DLGAP1: variants seen among roughly 807,000 people sequenced by gnomAD.
DLGAP1 encodes disks large-associated protein 1.
In DLGAP1, 11 loss-of-function variants were observed where a neutral mutation model predicts 90.8. That is an observed-to-expected ratio of 0.12 (90% CI 0.08 to 0.20). The LOEUF is 0.20. Among genes scored for constraint, DLGAP1 ranks in the 10% least tolerant of loss-of-function variants. The pLI is 1.00. For missense variants in DLGAP1, 1,050 were observed against 1,333.8 expected, an observed-to-expected ratio of 0.79 and a Z score of 3.31; for synonymous variants, 558 against 540.7, an observed-to-expected ratio of 1.03 and a Z score of -0.44.
intron 1 of DLGAP1, among the ~76,000 whole-genome samples, chr18:4,267,946 A>T (rs947972644): frequency 2.0e-5 from 3 of 152,234 alleles, no homozygotes; most frequent in Non-Finnish European, 4.4e-5. Flanking sequence ...TGGAAGGGAC[A>T]TACTATCACT....
intron 5 of DLGAP1, among the ~76,000 whole-genome samples, chr18:3,756,152 C>T (rs1287276160): frequency 6.6e-6 from 1 of 152,080 alleles, no homozygotes; most frequent in Non-Finnish European, 1.5e-5. Context: ...CGGGTTCACG[C>T]CATTCTCCTG....
intron 1 of DLGAP1, among the ~76,000 whole-genome samples, chr18:4,372,875 C>A (rs1266291633): frequency 2.6e-5 from 4 of 151,846 alleles, no homozygotes; most frequent in Non-Finnish European, 5.9e-5. Flanking sequence ...TTGCCGTGAG[C>A]CGAGATCAAG....
chr18:3,579,902 C>A (rs1301396613), intron 8 of DLGAP1, among the ~76,000 whole-genome samples: 1 of 152,196 alleles, frequency 6.6e-6, no homozygotes, highest in African/African-American at 2.4e-5. Flanking sequence ...CTCGCCTTCA[C>A]TCCCACATCT....
intron 1 of DLGAP1, among the ~76,000 whole-genome samples, chr18:4,260,958 C>T (rs1050031718): frequency 9.2e-5 from 14 of 152,150 alleles, no homozygotes; most frequent in African/African-American, 2.2e-4. Flanking sequence ...AAATCAACAG[C>T]ATAACACAGC....
At chr18:3,704,504 A>G (rs906592045) in intron 7 of DLGAP1, among the ~76,000 whole-genome samples, 14 of 151,994 alleles carry the variant, frequency 9.2e-5, no homozygotes, top group Non-Finnish European at 1.9e-4. Context: ...CGGGAGGCAG[A>G]GGTTGCAGTG....
rs112219338 is a variant in DLGAP1, at chr18:3,641,588, C to T, written c.1592-59340G>A. Among the ~76,000 whole-genome samples, 1,253 of 135,468 alleles carry T rather than the reference C, an allele frequency of 9.2e-3. 7 individuals carry two copies. Among genetic ancestry groups the T allele is most frequent in the African/African-American group, 0.029 (1,013 of 35,104 alleles). The allele number at this position is 135,468 out of a possible 152,430, so 88.9% of individuals were successfully genotyped here. ...AAGACAATGTACACATATATATATA[C>T]ACACACACACACACACACACACACA... is the stretch of plus-strand genomic sequence containing the variant. On this transcript the variant is annotated intron_variant, in intron 7 of 12. Coordinates refer to ENST00000315677, the MANE Select transcript of DLGAP1 (RefSeq NM_004746.4).
rs1016479682 is a variant in DLGAP1, at chr18:4,033,973, G to A, written c.-158-28772C>T. 8.0e-5 allele frequency among the ~76,000 whole-genome samples: 12 copies of A among 150,540 alleles called. No individual in the cohort carries two copies. In the South Asian group the frequency reaches 8.4e-4, roughly 11 times the overall value. ...AGGATGGTCTCCATCTCCGGACCTC[G>A]TGATCTGCCCGCCTCCGCCTCCCAA... On this transcript the variant is annotated intron_variant, in intron 2 of 12. Coordinates refer to ENST00000315677, the MANE Select transcript of DLGAP1 (RefSeq NM_004746.4).
chr18:3,874,542 A>G lies in DLGAP1; in HGVS notation c.957+4570T>C, dbSNP rs78368056. On this transcript the variant is annotated intron_variant, in intron 4 of 12. Coordinates refer to ENST00000315677, the MANE Select transcript of DLGAP1 (RefSeq NM_004746.4). ...GCTTTTTAAAAGCAAAAACAAAACA[A>G]CAACAAAAACCACCTTTTATTCTAT... 2,623 of 1,465,344 alleles carry G rather than the reference A, an allele frequency of 1.8e-3. 63 individuals are homozygous for G. In the Admixed American group the frequency reaches 0.04, roughly 22 times the overall value. The allele number at this position is 1,465,344 out of a possible 1,614,324, so 90.8% of individuals were successfully genotyped here. A position where few individuals can be genotyped will look rare whatever the true frequency, so the allele number is the denominator to read the frequency against.
At chr18:3,745,327 A>C (rs919392018) in intron 5 of DLGAP1, among the ~76,000 whole-genome samples, 1 of 152,240 alleles carries the variant, frequency 6.6e-6, no homozygotes, top group African/African-American at 2.4e-5. Context: ...TACACTTGAA[A>C]ATGGTGAATT....
chr18:3,935,627 C>T (rs1232465043), intron 3 of DLGAP1, among the ~76,000 whole-genome samples: 2 of 152,140 alleles, frequency 1.3e-5, no homozygotes, highest in Admixed American at 6.6e-5. Context: ...CTCTTCCTCC[C>T]TTGCAAAGTG....
chr18:3,949,035 T>C (rs532167682), intron 3 of DLGAP1, among the ~76,000 whole-genome samples: 35 of 152,200 alleles, frequency 2.3e-4, no homozygotes, highest in Middle Eastern at 3.4e-3. Flanking sequence ...ATGTTTCCCA[T>C]AAAAAAGGCT....
chr18:3,867,042 C>T (rs139886671), intron 4 of DLGAP1, among the ~76,000 whole-genome samples: 11 of 152,156 alleles, frequency 7.2e-5, no homozygotes, highest in East Asian at 1.9e-4. Context: ...TTAGTAGAGA[C>T]GGGGTTTCAC....
At chr18:3,865,659 A>C (rs1351184591) in intron 4 of DLGAP1, among the ~76,000 whole-genome samples, 1 of 152,228 alleles carries the variant, frequency 6.6e-6, no homozygotes, top group African/African-American at 2.4e-5. Context: ...GTGGAAAGCA[A>C]ACAGATTGTG....
intron 7 of DLGAP1, among the ~76,000 whole-genome samples, chr18:3,712,167 T>C (rs529721659): frequency 6.6e-6 from 1 of 152,292 alleles, no homozygotes; most frequent in South Asian, 2.1e-4. Context: ...ACTTTTTGCC[T>C]TCTCAATTCT....
At chr18:4,170,573 G>A (rs1213862599) in intron 1 of DLGAP1, among the ~76,000 whole-genome samples, 1 of 152,040 alleles carries the variant, frequency 6.6e-6, no homozygotes, top group Non-Finnish European at 1.5e-5. Context: ...CTGGATATGA[G>A]ATATAAGAGA....
chr18:3,819,837 A>G (rs537728106), intron 4 of DLGAP1, among the ~76,000 whole-genome samples: 1 of 152,362 alleles, frequency 6.6e-6, no homozygotes, highest in East Asian at 1.9e-4. Flanking sequence ...TAAACTACAA[A>G]GCACATATTT....
chr18:4,088,436 T>C (rs969674306), intron 2 of DLGAP1, among the ~76,000 whole-genome samples: 18 of 152,140 alleles, frequency 1.2e-4, no homozygotes, highest in East Asian at 7.7e-4. Flanking sequence ...CCTTTGTGTG[T>C]GTGTGTGTGT....
chr18:4,229,378 G>A (rs1264794698), intron 1 of DLGAP1, among the ~76,000 whole-genome samples: 1 of 151,922 alleles, frequency 6.6e-6, no homozygotes, highest in Non-Finnish European at 1.5e-5. Context: ...AAGCTATCCT[G>A]AGCAAAAGGA....
At chr18:4,400,525 C>A (rs753125915) in intron 1 of DLGAP1, among the ~76,000 whole-genome samples, 24 of 151,972 alleles carry the variant, frequency 1.6e-4, no homozygotes, top group Admixed American at 6.6e-5. Flanking sequence ...TATATTTTCA[C>A]GGATATATGT....
Sources: allele counts gnomAD v4.1 joint callset (sites outside exome capture counted in the v4.1 genomes callset), GRCh38; gene constraint gnomAD v4.1.1; transcripts MANE v1.5; gene names NCBI Gene and HGNC (gene_info 2026-07-23, HGNC 2026-07-21).